TXLNB: variants seen among roughly 807,000 people sequenced by gnomAD.
The protein encoded by TXLNB is beta-taxilin.
Under a neutral mutation model 57.4 loss-of-function variants are expected in TXLNB, and 37 were observed. That is an observed-to-expected ratio of 0.64 (90% CI 0.50 to 0.85). The LOEUF (loss-of-function observed/expected upper bound fraction) is 0.85. TXLNB is among the 40% of genes least tolerant of loss of function. The probability of loss-of-function intolerance (pLI) is 0.00; values close to 1 mark genes in which losing one functional copy is unlikely to be tolerated. For synonymous variants in TXLNB, 302 were observed against 309.6 expected, an observed-to-expected ratio of 0.98 and a Z score of 0.26; for missense variants, 848 against 825.6, an observed-to-expected ratio of 1.03 and a Z score of -0.33.
chr6:139,160,949 A>G, the TXLNB span, among the ~76,000 whole-genome samples: 2 of 152,166 alleles, frequency 1.3e-5, no homozygotes, highest in African/African-American at 4.8e-5. Context: ...AAAACTGCTC[A>G]ATGTCAAACA....
intron 2 of TXLNB, among the ~76,000 whole-genome samples, chr6:139,277,467 G>A (rs778692582): frequency 5.9e-5 from 9 of 152,118 alleles, no homozygotes; most frequent in Non-Finnish European, 1.2e-4. Context: ...CTTTTAGGGG[G>A]AACCAAGTTT....
chr6:139,255,613 T>A lies in TXLNB; in HGVS notation c.1028A>T (p.Lys343Ile). 3 of 1,613,904 alleles carry A rather than the reference T, an allele frequency of 1.9e-6. No individual in the cohort carries two copies. Among genetic ancestry groups the A allele is most frequent in the Non-Finnish European group, 2.5e-6 (3 of 1,179,850 alleles). The change falls in exon 7 of 10, where the codon AAA becomes ATA. Residue 343 changes from lysine (K) to isoleucine (I), a missense_variant. Transcript: ENST00000358430. Reference protein sequence around the residue: ...EYLLNQAAEWKLQAKVLKEQE... With the variant: ...EYLLNQAAEWILQAKVLKEQE... ...CTCCTTCAGCACTTTCGCCTGAAGT[T>A]TCCACTCTGCTGCCTGGTTCAGCAA...
chr6:139,169,771 G>C, the TXLNB span: 1 of 152,222 alleles, frequency 6.6e-6, no homozygotes, highest in African/African-American at 2.4e-5. Context: ...GGAAGCTGCA[G>C]AGTCTGTCTC....
chr6:139,317,295 A>C, the TXLNB span, among the ~76,000 whole-genome samples: 1 of 152,238 alleles, frequency 6.6e-6, no homozygotes, highest in Non-Finnish European at 1.5e-5. Context: ...AATGATTGGC[A>C]TTAAGTAAAA....
At chr6:139,223,708 C>T in the TXLNB span, among the ~76,000 whole-genome samples, 1 of 152,086 alleles carries the variant, frequency 6.6e-6, no homozygotes, top group Non-Finnish European at 1.5e-5. Context: ...CTCACCATCA[C>T]TGGCCATCAG....
intron 3 of TXLNB, among the ~76,000 whole-genome samples, chr6:139,272,987 T>C (rs961724306): frequency 6.6e-5 from 10 of 152,124 alleles, no homozygotes; most frequent in Admixed American, 1.3e-4. Flanking sequence ...TGAGTTGAGA[T>C]CGTGCCATTG....
intron 3 of TXLNB, among the ~76,000 whole-genome samples, chr6:139,274,715 T>C (rs1776850406): frequency 6.6e-6 from 1 of 152,140 alleles, no homozygotes; most frequent in Non-Finnish European, 1.5e-5. Flanking sequence ...CCCAGTGCAC[T>C]GTCGTGGGAA....
rs777479187 is a variant in TXLNB at position 139,283,543 on chromosome 6, TCC to T, written c.424+4931_424+4932del. Among the ~76,000 whole-genome samples the T allele has an allele frequency of 2.5e-4, 32 of 129,452 alleles. 3 individuals are homozygous for T. In the East Asian group the frequency reaches 3.3e-3, roughly 13 times the overall value. The allele number at this position is 129,452 out of a possible 152,430, so 84.9% of individuals were successfully genotyped here. On this transcript the variant is annotated intron_variant, in intron 2 of 9. Transcript: ENST00000358430. ...GTGAGCCGAGATCGCACCATTGCAC[TCC>T]AGCCTGGGCAATGAGAGCGAAACTC...
the TXLNB span, among the ~76,000 whole-genome samples, chr6:139,234,763 C>T: frequency 6.6e-6 from 1 of 152,264 alleles, no homozygotes; most frequent in Non-Finnish European, 1.5e-5. Context: ...CACTGAGACA[C>T]CGCCTAGTGG....
the TXLNB span, among the ~76,000 whole-genome samples, chr6:139,319,418 T>C: frequency 6.6e-6 from 1 of 151,880 alleles, no homozygotes; most frequent in South Asian, 2.1e-4. Context: ...TTTCTTTTTT[T>C]TTTGAGACAG....
chr6:139,247,334 G>A (rs530148934), intron 8 of TXLNB, among the ~76,000 whole-genome samples: 25 of 152,012 alleles, frequency 1.6e-4, no homozygotes, highest in African/African-American at 5.5e-4. Context: ...TAGAGACAGG[G>A]TTTCACCATC....
At chr6:139,167,340 C>T in the TXLNB span, 1 of 1,521,694 alleles carries the variant, frequency 6.6e-7, no homozygotes, top group Non-Finnish European at 9.0e-7. Context: ...GGTGTTAATT[C>T]ACCTTGCCTG....
chr6:139,227,423 A>G, the TXLNB span, among the ~76,000 whole-genome samples: 1 of 152,194 alleles, frequency 6.6e-6, no homozygotes, highest in Non-Finnish European at 1.5e-5. Flanking sequence ...AACAACTGAT[A>G]CATGATGTGT....
intron 2 of TXLNB, among the ~76,000 whole-genome samples, chr6:139,280,472 C>G (rs543085433): frequency 6.6e-6 from 1 of 151,878 alleles, no homozygotes; most frequent in Non-Finnish European, 1.5e-5. Flanking sequence ...AGTAAAACCG[C>G]GTCTCTACTA....
the TXLNB span, among the ~76,000 whole-genome samples, chr6:139,318,394 T>C: frequency 6.6e-6 from 1 of 151,838 alleles, no homozygotes; most frequent in East Asian, 1.9e-4. Flanking sequence ...TTCTTACGTA[T>C]GTGTAATTAG....
In TXLNB at chr6:139,281,642, G is replaced by A. The variant is rs1368748992; in HGVS notation, c.425-4721C>T. Among the ~76,000 whole-genome samples the A allele has an allele frequency of 3.1e-5, 3 of 98,278 alleles. 1 individual carries two copies. Among genetic ancestry groups the A allele is most frequent in the African/African-American group, 2.2e-4 (3 of 13,538 alleles). The allele number at this position is 98,278 out of a possible 152,430, so 64.5% of individuals were successfully genotyped here. A position where few individuals can be genotyped will look rare whatever the true frequency, so the allele number is the denominator to read the frequency against. ...CGGCTCACTGCAAGCTCCGCCTCCC[G>A]GGTTCACGCCATTCTCCTGCCTCAG... is the stretch of plus-strand genomic sequence containing the variant. On this transcript the variant is annotated intron_variant, in intron 2 of 9. Transcript: ENST00000358430.
chr6:139,248,272 CAA>C (rs59145478), intron 7 of TXLNB, among the ~76,000 whole-genome samples: 48 of 81,430 alleles, frequency 5.9e-4, no homozygotes, highest in Admixed American at 2.2e-3. Context: ...GACTCCGTCT[CAA>C]AAAAAAAAAA....
rs1000772012 is a variant in TXLNB at position 139,255,587 on chromosome 6, G to A, written c.1054C>T (p.Gln352Ter). ...WKLQAKVLKE[Q>*]ETVLQAQLTL... ...ACCTGAGCCTGCAGGACTGTCTCTTGCTCCTTCAGCACTTTCGCCTGAAGT... is the reference window on the plus strand; with the variant it reads ...ACCTGAGCCTGCAGGACTGTCTCTTACTCCTTCAGCACTTTCGCCTGAAGT... The change falls in exon 7 of 10, where the codon CAA becomes TAA. Residue 352 changes from glutamine (Q) to a stop codon, truncating the protein, a stop_gained. Coordinates refer to ENST00000358430, the MANE Select transcript of TXLNB (RefSeq NM_153235.4). LOFTEE classifies it high-confidence loss of function. 4.5e-5 allele frequency: 72 copies of A among 1,613,686 alleles called. No homozygotes were observed. The highest frequency in any genetic ancestry group is 8.3e-5 in the Admixed American group (5 of 59,996).
chr6:139,206,028 C>T, the TXLNB span, among the ~76,000 whole-genome samples: 1 of 152,280 alleles, frequency 6.6e-6, no homozygotes, highest in African/African-American at 2.4e-5. Context: ...TCTTTAACTT[C>T]CTGAAACAAA....
Sources: allele counts gnomAD v4.1 joint callset (sites outside exome capture counted in the v4.1 genomes callset), GRCh38; gene constraint gnomAD v4.1.1; transcripts MANE v1.5; gene names NCBI Gene and HGNC (gene_info 2026-07-23, HGNC 2026-07-21).